Variants in SRGAP1 observed in about 807,000 individuals in gnomAD.
The protein encoded by SRGAP1 is SLIT-ROBO Rho GTPase activating protein 1, also known as SLIT-ROBO Rho GTPase-activating protein 1.
Under a neutral mutation model 121.9 loss-of-function variants are expected in SRGAP1, and 43 were observed. The ratio of observed to expected loss-of-function variants is 0.35; its 90% CI spans 0.28 to 0.46. The LOEUF is 0.46. SRGAP1 is among the 20% of genes least tolerant of loss of function. SRGAP1 has a pLI of 1.00. For synonymous variants in SRGAP1, 447 were observed against 485.4 expected (o/e 0.92, Z 1.04); for missense variants, 1,102 against 1,350.9 (o/e 0.82, Z 2.89).
In SRGAP1 at chr12:63,919,494, C is replaced by T. The variant is rs531068846; in HGVS notation, c.68-64453C>T. Among the ~76,000 whole-genome samples the T allele has an allele frequency of 1.1e-4, 13 of 120,414 alleles. No homozygotes were observed. The South Asian group carries it at 2.8e-3, about 26-fold the overall frequency. The allele number at this position is 120,414 out of a possible 152,430, so 79.0% of individuals were successfully genotyped here. The stretch of plus-strand genomic sequence containing the variant: ...CAATATTTTAATTGTTTTAACTTAA[C>T]ATTACATATATATATATATATATAT... On this transcript the variant is annotated intron_variant, in intron 1 of 21. Transcript: ENST00000355086.
At chr12:63,914,802 A>G (rs1053009989) in intron 1 of SRGAP1, among the ~76,000 whole-genome samples, 2 of 151,674 alleles carry the variant, frequency 1.3e-5, no homozygotes, top group African/African-American at 2.4e-5. Context: ...TTTTTTTTCT[A>G]AATATGTTCC....
intron 1 of SRGAP1, among the ~76,000 whole-genome samples, chr12:63,981,995 C>G (rs1187753572): frequency 6.6e-6 from 1 of 151,974 alleles, no homozygotes; most frequent in Non-Finnish European, 1.5e-5. Flanking sequence ...GGGCGGATCA[C>G]GAGGTCAGGA....
intron 1 of SRGAP1, among the ~76,000 whole-genome samples, chr12:63,961,115 G>A (rs2032625943): frequency 6.6e-6 from 1 of 151,936 alleles, no homozygotes; most frequent in Non-Finnish European, 1.5e-5. Context: ...AGCCACATGT[G>A]CCTAGATAAA....
At chr12:63,891,711 G>T (rs1460719787) in intron 1 of SRGAP1, among the ~76,000 whole-genome samples, 4 of 152,162 alleles carry the variant, frequency 2.6e-5, no homozygotes. Context: ...ATGCAGCCAG[G>T]CATGGTGGTT....
intron 1 of SRGAP1, among the ~76,000 whole-genome samples, chr12:63,855,032 G>A (rs1429490512): frequency 6.6e-6 from 1 of 152,096 alleles, no homozygotes; most frequent in Non-Finnish European, 1.5e-5. Context: ...ATAATAAAGA[G>A]AACCCCCCAA....
chr12:64,136,450 C>T (rs367723775), intron 21 of SRGAP1, among the ~76,000 whole-genome samples: 2 of 152,184 alleles, frequency 1.3e-5, no homozygotes, highest in African/African-American at 4.8e-5. Flanking sequence ...AAGGCAACTT[C>T]CAGCTATCAC....
At chr12:63,991,371 G>A (rs1022469151) in intron 3 of SRGAP1, among the ~76,000 whole-genome samples, 4 of 152,164 alleles carry the variant, frequency 2.6e-5, no homozygotes, top group African/African-American at 9.7e-5. Flanking sequence ...CATGTTTGAT[G>A]TATCCACATT....
At chr12:64,127,810 G>T (rs770328232) in intron 20 of SRGAP1, 51 bp from the exon 21 acceptor site, 1 of 1,599,422 alleles carries the variant, frequency 6.3e-7, no homozygotes, top group South Asian at 1.1e-5. Flanking sequence ...TTGCAGTACT[G>T]CCCGGTGTGA....
rs544151889 is a variant in SRGAP1 at position 63,935,080 on chromosome 12, C to T, written c.68-48867C>T. 1.8e-4 allele frequency among the ~76,000 whole-genome samples: 27 copies of T among 152,306 alleles called. No individual in the cohort carries two copies. The South Asian group carries it at 2.5e-3, about 14-fold the overall frequency. On this transcript the variant is annotated intron_variant, in intron 1 of 21. Transcript: ENST00000355086. ...TGGCTCTCCACCAGCCTGTGAACAT[C>T]GGGAGAGGAGGGTATGTCTTTGTTT...
At chr12:63,948,963 A>G (rs60036859) in intron 1 of SRGAP1, among the ~76,000 whole-genome samples, 1,642 of 84,522 alleles carry the variant, frequency 0.019, 165 homozygotes, top group Admixed American at 0.027. Flanking sequence ...TTCCATATAT[A>G]TATTTTCCAT....
intron 1 of SRGAP1, among the ~76,000 whole-genome samples, chr12:63,870,956 G>T (rs567144108): frequency 2.8e-4 from 42 of 152,220 alleles, no homozygotes; most frequent in African/African-American, 1.0e-3. Flanking sequence ...TTATTTAAGT[G>T]TTCACCCTTT....
At chr12:64,141,232 C>T (rs1435042992) in intron 21 of SRGAP1, among the ~76,000 whole-genome samples, 1 of 146,532 alleles carries the variant, frequency 6.8e-6, no homozygotes, top group Non-Finnish European at 1.5e-5. Context: ...TGTAACTAAC[C>T]TGCACAATGT....
intron 1 of SRGAP1, among the ~76,000 whole-genome samples, chr12:63,955,719 A>G (rs976961109): frequency 6.6e-6 from 1 of 152,138 alleles, no homozygotes; most frequent in Non-Finnish European, 1.5e-5. Flanking sequence ...GAAAAAAAAA[A>G]ACAAGCTTTT....
chr12:63,946,784 C>A (rs1004491987), intron 1 of SRGAP1, among the ~76,000 whole-genome samples: 12 of 152,116 alleles, frequency 7.9e-5, no homozygotes. Context: ...AACTCGTGAT[C>A]CACCTGCCTT....
rs145798697 is a variant in SRGAP1, at chr12:63,972,183, G to A, written c.68-11764G>A. ...AGCCTGGGCAACAGAGCAAGACCTT[G>A]TCTCGATTTTTCTTAAAAAGTCTCT... On this transcript the variant is annotated intron_variant, in intron 1 of 21. Transcript: ENST00000355086. 5.3e-3 allele frequency among the ~76,000 whole-genome samples: 808 copies of A among 152,292 alleles called. 5 individuals are homozygous for A. The highest frequency in any genetic ancestry group is 0.018 in the African/African-American group (736 of 41,554).
chr12:64,133,191 G>A (rs1456549913), intron 21 of SRGAP1, among the ~76,000 whole-genome samples: 1 of 152,170 alleles, frequency 6.6e-6, no homozygotes, highest in African/African-American at 2.4e-5. Flanking sequence ...TCCCTCCAGG[G>A]ATGCAATATT....
chr12:63,915,282 T>G (rs1026240357), intron 1 of SRGAP1, among the ~76,000 whole-genome samples: 5 of 151,414 alleles, frequency 3.3e-5, no homozygotes, highest in African/African-American at 9.7e-5. Context: ...CAGTGTAGAT[T>G]AGTGTTTTTT....
chr12:64,088,752 A>C (rs1052682633), intron 11 of SRGAP1, among the ~76,000 whole-genome samples: 2 of 152,154 alleles, frequency 1.3e-5, no homozygotes, highest in African/African-American at 4.8e-5. Flanking sequence ...AATCCTACAG[A>C]GGTGATTTTC....
At chr12:63,926,331 A>G (rs535183813) in intron 1 of SRGAP1, among the ~76,000 whole-genome samples, 3 of 152,296 alleles carry the variant, frequency 2.0e-5, no homozygotes, top group Admixed American at 2.0e-4. Flanking sequence ...GACAATCTTT[A>G]TAATACTCTC....
Sources: gnomAD v4.1 joint callset for allele counts (sites outside exome capture counted in the v4.1 genomes callset) on GRCh38, gnomAD v4.1.1 for gene constraint, MANE v1.5 for transcripts, NCBI Gene and HGNC (gene_info 2026-07-23, HGNC 2026-07-21) for gene names.